Variants in NTRK1 observed in about 807,000 individuals in gnomAD.
NTRK1 encodes high affinity nerve growth factor receptor.
A neutral mutation model predicts 86.8 loss-of-function variants in NTRK1; 62 were observed. That is an observed-to-expected ratio of 0.71 (90% confidence interval 0.58 to 0.88). NTRK1 has a LOEUF of 0.88. Among genes scored for constraint, NTRK1 ranks in the 40% least tolerant of loss-of-function variants. NTRK1 has a pLI of 0.00. For synonymous variants in NTRK1, 469 were observed against 456.6 expected, an observed-to-expected ratio of 1.03 and a Z score of -0.35; for missense variants, 967 against 1,078.4, an observed-to-expected ratio of 0.90 and a Z score of 1.45.
intron 2 of NTRK1, chr1:156,845,555 G>A: frequency 1.4e-4 from 47 of 331,128 alleles, no homozygotes; most frequent in East Asian, 1.9e-4. Flanking sequence ...CACCCCTCCC[G>A]CAAGACCCGC....
At chr1:156,845,089 G>A in intron 2 of NTRK1, 1 of 1,608,440 alleles carries the variant, frequency 6.2e-7, no homozygotes, top group Non-Finnish European at 8.5e-7. Context: ...GGGGCATGGT[G>A]CGCGCAAAGA....
chr1:156,816,078 G>A, intron 1 of NTRK1: 1 of 1,613,780 alleles, frequency 6.2e-7, no homozygotes, highest in Non-Finnish European at 8.5e-7. Flanking sequence ...AGGTTGGGAT[G>A]GGGGCTTCGT....
At chr1:156,851,684 T>G in intron 2 of NTRK1, 4 of 1,614,196 alleles carry the variant, frequency 2.5e-6, no homozygotes, top group Non-Finnish European at 3.4e-6. Context: ...TCCCTCCACA[T>G]GCGTGCAGCC....
Position 156,868,538 on chromosome 1 carries a change from C to A in NTRK1, c.608C>A (p.Ala203Asp). ...VPTLKVQVPN[A>D]SVDVGDDVLL... ...ACGCTGAAGGTCCAGGTGCCCAATG[C>A]CTCGGTGGATGTGGGGGACGACGTG... Residue 203 changes from alanine (A) to aspartate (D), a missense_variant, in exon 6 of 17, where the codon GCC becomes GAC. This residue lies in a region of NTRK1 where 330 missense variants were observed against 302.0 expected (regional missense o/e 1.09). Coordinates refer to ENST00000524377, the MANE Select transcript of NTRK1 (RefSeq NM_002529.4). The A allele has an allele frequency of 6.4e-7, 1 of 1,558,992 alleles. No individual in the cohort carries two copies. The highest frequency in any genetic ancestry group is 1.2e-5 in the South Asian group (1 of 84,552).
intron 1 of NTRK1, chr1:156,841,826 T>G (rs773108894): frequency 6.2e-7 from 1 of 1,614,032 alleles, no homozygotes; most frequent in Admixed American, 1.7e-5. Context: ...GGAGGAGGTG[T>G]GGGGCATAAG....
chr1:156,819,422 A>G (rs1654120488), intron 1 of NTRK1, among the ~76,000 whole-genome samples: 1 of 151,216 alleles, frequency 6.6e-6, no homozygotes, highest in East Asian at 1.9e-4. Context: ...GCATTTTTTC[A>G]TATGTTTGTT....
chr1:156,846,148 G>GGGTGT (rs757277615), intron 2 of NTRK1: 79 of 1,550,392 alleles, frequency 5.1e-5, no homozygotes, highest in Non-Finnish European at 6.8e-5. Context: ...TGCAACTCAG[G>GGGTGT]GGTGTGGGTC....
intron 1 of NTRK1, among the ~76,000 whole-genome samples, chr1:156,862,675 G>T (rs1197158176): frequency 6.6e-6 from 1 of 152,138 alleles, no homozygotes; most frequent in Non-Finnish European, 1.5e-5. Context: ...TAGACAGATT[G>T]ATTATGAATC....
intron 2 of NTRK1, chr1:156,845,072 C>A: frequency 6.2e-7 from 1 of 1,602,784 alleles, no homozygotes; most frequent in Non-Finnish European, 8.5e-7. Context: ...TGTGGATCAC[C>A]TACTGTGGGG....
chr1:156,835,388 G>T (rs1654573852), intron 1 of NTRK1, among the ~76,000 whole-genome samples: 1 of 152,044 alleles, frequency 6.6e-6, no homozygotes, highest in Non-Finnish European at 1.5e-5. Flanking sequence ...CGCCTATAAG[G>T]CTCTGTGCAC....
chr1:156,872,902 C>T (rs1213207973), intron 7 of NTRK1, among the ~76,000 whole-genome samples: 1 of 152,002 alleles, frequency 6.6e-6, no homozygotes, highest in Non-Finnish European at 1.5e-5. Flanking sequence ...TGGTCTCGAT[C>T]TCCTGACCTC....
chr1:156,866,086 A>G (rs2102888311), intron 3 of NTRK1, among the ~76,000 whole-genome samples: 1 of 152,350 alleles, frequency 6.6e-6, no homozygotes, highest in Non-Finnish European at 1.5e-5. Flanking sequence ...GAGGTCACAC[A>G]GCTGTAAGTG....
chr1:156,820,273 G>T (rs1420935665), intron 1 of NTRK1, among the ~76,000 whole-genome samples: 2 of 152,038 alleles, frequency 1.3e-5, no homozygotes, highest in Non-Finnish European at 2.9e-5. Context: ...TTGAAACAGG[G>T]TCTCACTCTG....
Position 156,868,795 on chromosome 1 carries a change from A to G in NTRK1, c.717+148A>G, listed in dbSNP as rs185870448. ...GGACGGACAGAGATGGTTTAGACCC[A>G]CAGGGCTCAGGCCTATGCTCTGGGG... On this transcript the variant is annotated intron_variant, in intron 6 of 16. Coordinates refer to ENST00000524377, the MANE Select transcript of NTRK1 (RefSeq NM_002529.4). 304 of 1,319,182 alleles carry G rather than the reference A, an allele frequency of 2.3e-4. No individual in the cohort carries two copies. In the African/African-American group the frequency reaches 3.7e-3, roughly 16 times the overall value. 81.7% of individuals were successfully genotyped at this position (1,319,182 alleles called of 1,614,324 possible).
rs920910893 is a variant in NTRK1, at chr1:156,854,674, T to C, written c.51-9680T>C. 5.3e-5 allele frequency among the ~76,000 whole-genome samples: 8 copies of C among 152,186 alleles called. No homozygotes were observed. The highest frequency in any genetic ancestry group is 1.9e-4 in the African/African-American group (8 of 41,512). On this transcript the variant is annotated intron_variant, in intron 2 of 16. Transcript: ENST00000392302. The surrounding 1 kb of genome is among the most constrained non-coding windows in gnomAD (Gnocchi z 4.2). ...TTTTTCACCTTGTACGTCCTGTGGG[T>C]TTATCTTTAAAATATGTCCAGGATC...
chr1:156,824,170 T>C (rs1654261037), intron 1 of NTRK1, among the ~76,000 whole-genome samples: 1 of 152,200 alleles, frequency 6.6e-6, no homozygotes, highest in Non-Finnish European at 1.5e-5. Flanking sequence ...TTCCCTGTAG[T>C]CAGTGTATAT....
chr1:156,879,057 G>A (rs1052609909), intron 14 of NTRK1, 65 bp from the exon 15 acceptor site: 36 of 1,593,674 alleles, frequency 2.3e-5, no homozygotes, highest in South Asian at 6.8e-5. Context: ...GCTGGGGATC[G>A]CCTTCCTCAG....
At chr1:156,857,237 A>G (rs970749778), upstream of NTRK1, among the ~76,000 whole-genome samples, 2 of 151,800 alleles carry the variant, frequency 1.3e-5, no homozygotes, top group African/African-American at 4.8e-5. Flanking sequence ...ACGCAGATAC[A>G]CACACAAAAA....
chr1:156,841,260 T>G, intron 1 of NTRK1: 6 of 939,564 alleles, frequency 6.4e-6, no homozygotes, highest in Non-Finnish European at 9.9e-6. Flanking sequence ...GGGTTTGGGA[T>G]AGGGGGGTGG....
Sources: gnomAD v4.1 joint callset for allele counts (sites outside exome capture counted in the v4.1 genomes callset) on GRCh38, gnomAD v4.1.1 for gene constraint, gnomAD v4.1.1 regional missense constraint, Gnocchi (gnomAD v3.1) non-coding constraint, MANE v1.5 for transcripts, NCBI Gene and HGNC (gene_info 2026-07-23, HGNC 2026-07-21) for gene names.